The following SPAG16 variants were observed in gnomAD, a reference collection of about 807,000 sequenced individuals.
SPAG16 encodes sperm associated antigen 16.
In SPAG16, 86 loss-of-function variants were observed where a neutral mutation model predicts 80.4. The ratio of observed to expected loss-of-function variants is 1.07; its 90% CI spans 0.90 to 1.28. The LOEUF is 1.28. Ranked by LOEUF, SPAG16 falls within the 50% of genes most tolerant of loss-of-function variation. The pLI is 0.00. For missense variants in SPAG16, 870 were observed against 765.3 expected, an observed-to-expected ratio of 1.14 and a Z score of -1.61; for synonymous variants, 294 against 265.9, an observed-to-expected ratio of 1.11 and a Z score of -1.03.
chr2:214,104,301 A>G (rs2053253734), intron 13 of SPAG16, among the ~76,000 whole-genome samples: 1 of 152,144 alleles, frequency 6.6e-6, no homozygotes, highest in African/African-American at 2.4e-5. Flanking sequence ...ACAGGCAGAG[A>G]GTTTGGAGTT....
At chr2:213,803,997 T>C (rs906538788) in intron 10 of SPAG16, among the ~76,000 whole-genome samples, 2 of 152,244 alleles carry the variant, frequency 1.3e-5, no homozygotes, top group Non-Finnish European at 2.9e-5. Context: ...TAAATTCATA[T>C]CCCTGGGCTT....
intron 10 of SPAG16, among the ~76,000 whole-genome samples, chr2:213,595,822 G>T (rs1036691956): frequency 6.6e-6 from 1 of 152,164 alleles, no homozygotes; most frequent in Non-Finnish European, 1.5e-5. Context: ...TCACTATCAT[G>T]AAAATTAGAT....
chr2:213,768,695 C>G (rs952767834), intron 10 of SPAG16, among the ~76,000 whole-genome samples: 4 of 152,050 alleles, frequency 2.6e-5, no homozygotes, highest in Admixed American at 6.6e-5. Flanking sequence ...GTGAGAAATC[C>G]AAATGGAAAT....
chr2:213,889,816 T>A (rs565899112), intron 11 of SPAG16, among the ~76,000 whole-genome samples: 2 of 151,540 alleles, frequency 1.3e-5, no homozygotes. Context: ...TGACATCAAA[T>A]GTTGCCTATG....
At chr2:213,565,399 A>G (rs2059726972) in intron 10 of SPAG16, among the ~76,000 whole-genome samples, 1 of 152,258 alleles carries the variant, frequency 6.6e-6, no homozygotes, top group Admixed American at 6.5e-5. Context: ...CTTATTTCTA[A>G]GCAATTCTTC....
chr2:213,724,569 G>A (rs772830112), intron 10 of SPAG16, among the ~76,000 whole-genome samples: 12 of 151,714 alleles, frequency 7.9e-5, no homozygotes, highest in Non-Finnish European at 1.3e-4. Context: ...CCTGAGGTCC[G>A]GAGTTCGAGA....
At chr2:213,303,883 T>C (rs1370186561) in intron 3 of SPAG16, among the ~76,000 whole-genome samples, 1 of 152,298 alleles carries the variant, frequency 6.6e-6, no homozygotes, top group East Asian at 1.9e-4. Context: ...TCCTTTCTTT[T>C]GAGTATATTC....
intron 15 of SPAG16, among the ~76,000 whole-genome samples, chr2:214,361,804 C>T (rs186489081): frequency 5.9e-5 from 9 of 151,994 alleles, no homozygotes; most frequent in Non-Finnish European, 1.2e-4. Context: ...TAATTATTTA[C>T]TTCACCTGTT....
At position 213,993,699 on chromosome 2, in the gene SPAG16, A is replaced by G. The variant is rs79436075; in HGVS notation, c.1401-20252A>G. Among the ~76,000 whole-genome samples, 955 of 152,344 alleles carry G rather than the reference A, an allele frequency of 6.3e-3. 7 individuals are homozygous for G. Among genetic ancestry groups the G allele is most frequent in the African/African-American group, 0.022 (915 of 41,576 alleles). On this transcript the variant is annotated intron_variant, in intron 12 of 15. Transcript: ENST00000331683. The stretch of plus-strand genomic sequence containing the variant: ...TTTGTTTAACAAACATATTGAATCC[A>G]AAGATAAAGTATAGTATAAAGTAAT...
intron 11 of SPAG16, among the ~76,000 whole-genome samples, chr2:213,917,095 T>A (rs1479455427): frequency 1.3e-5 from 2 of 152,164 alleles, no homozygotes; most frequent in African/African-American, 4.8e-5. Flanking sequence ...TGAACATGTG[T>A]GGCATTATTT....
intron 13 of SPAG16, among the ~76,000 whole-genome samples, chr2:214,053,673 C>A (rs2049780601): frequency 6.6e-6 from 1 of 152,150 alleles, no homozygotes; most frequent in Non-Finnish European, 1.5e-5. Flanking sequence ...AGTCAAGGTC[C>A]AGGCTAACAC....
chr2:214,195,334 T>TAGATAGATAGATAGATA (rs1461627655), intron 15 of SPAG16, among the ~76,000 whole-genome samples: 1 of 151,792 alleles, frequency 6.6e-6, no homozygotes, highest in Non-Finnish European at 1.5e-5. Context: ...GATAGATAGA[T>TAGATAGATAGATAGATA]ATTTGAGAGA....
intron 15 of SPAG16, among the ~76,000 whole-genome samples, chr2:214,355,325 GA>G (rs71037371): frequency 0.93 from 88,966 of 96,104 alleles, 41,525 homozygotes; most frequent in South Asian, 0.98. Flanking sequence ...AAATTTACAA[GA>G]AAAAAAAAAA....
chr2:214,086,081 C>CT (rs1331622995), intron 13 of SPAG16, among the ~76,000 whole-genome samples: 1 of 152,156 alleles, frequency 6.6e-6, no homozygotes, highest in Non-Finnish European at 1.5e-5. Flanking sequence ...AAACATTGTA[C>CT]TTTTTATATG....
chr2:214,106,102 A>C (rs1400567704), intron 13 of SPAG16, among the ~76,000 whole-genome samples: 2 of 152,144 alleles, frequency 1.3e-5, no homozygotes, highest in African/African-American at 4.8e-5. Flanking sequence ...CTCAAGTTAG[A>C]AAAGGACCAA....
chr2:214,047,473 A>G (rs1037033663), intron 13 of SPAG16, among the ~76,000 whole-genome samples: 1 of 152,172 alleles, frequency 6.6e-6, no homozygotes, highest in Non-Finnish European at 1.5e-5. Context: ...ATGTTGCTGG[A>G]AAAGCAGGAT....
At chr2:213,843,959 T>G (rs2074487582) in intron 10 of SPAG16, among the ~76,000 whole-genome samples, 1 of 151,948 alleles carries the variant, frequency 6.6e-6, no homozygotes, top group Non-Finnish European at 1.5e-5. Context: ...TTATAAAAAT[T>G]TTAATTATTT....
At chr2:213,384,688 C>G (rs995006978) in intron 9 of SPAG16, among the ~76,000 whole-genome samples, 1 of 152,098 alleles carries the variant, frequency 6.6e-6, no homozygotes, top group Non-Finnish European at 1.5e-5. Context: ...TCAGGAAGTT[C>G]TGTGTGTGAA....
intron 10 of SPAG16, among the ~76,000 whole-genome samples, chr2:213,542,325 C>CTTA (rs2076474765): frequency 6.6e-6 from 1 of 152,026 alleles, no homozygotes; most frequent in African/African-American, 2.4e-5. Context: ...GCTTTACTTT[C>CTTA]TTCAGTGTTT....
Sources: allele counts gnomAD v4.1 joint callset (sites outside exome capture counted in the v4.1 genomes callset), GRCh38; gene constraint gnomAD v4.1.1; transcripts MANE v1.5; gene names NCBI Gene and HGNC (gene_info 2026-07-23, HGNC 2026-07-21).